The following GDAP1 variants were observed in gnomAD, a reference collection of about 807,000 sequenced individuals.
The protein encoded by GDAP1 is ganglioside-induced differentiation-associated protein 1.
In GDAP1, 34 loss-of-function variants were observed where a neutral mutation model predicts 40.1. The observed-to-expected ratio is 0.85, with a 90% CI of 0.64 to 1.13. The LOEUF (loss-of-function observed/expected upper bound fraction) is 1.13. Among genes scored for constraint, GDAP1 ranks in the 50% most tolerant of loss-of-function variants. GDAP1 has a pLI of 0.00. For synonymous variants in GDAP1, 170 were observed against 157.4 expected (o/e 1.08, Z -0.60); for missense variants, 374 against 433.7 (o/e 0.86, Z 1.22).
Position 74,402,053 on chromosome 8 carries a change from C to T in GDAP1, c.165+50732C>T, listed in dbSNP as rs1255038673. Among the ~76,000 whole-genome samples, 19 of 150,120 alleles carry T rather than the reference C, an allele frequency of 1.3e-4. 1 individual carries two copies. Among genetic ancestry groups the T allele is most frequent in the Non-Finnish European group, 1.6e-4 (11 of 68,014 alleles). The stretch of plus-strand genomic sequence containing the variant: ...CTGCCCGTTCTCAGATCTCCAGCTG[C>T]GTGCTGGGAGAACCACTGCTCTCTT... On this transcript the variant is annotated intron_variant, in intron 2 of 2. Coordinates refer to the GDAP1 transcript ENST00000523640.
chr8:74,373,430 C>G (rs149824330), intron 2 of GDAP1, among the ~76,000 whole-genome samples: 28,725 of 152,052 alleles, frequency 0.19, 2,984 homozygotes, highest in Admixed American at 0.31. Context: ...TCTTTTATTT[C>G]GTTGAGCACT....
chr8:74,362,804 T>TG, intron 4 of GDAP1, 135 bp from the exon 5 acceptor site: 1 of 397,392 alleles, frequency 2.5e-6, no homozygotes, highest in African/African-American at 2.2e-5. Context: ...TTTTTTTTTT[T>TG]GCTGAGTTTT....
At position 74,364,715 on chromosome 8, in the gene GDAP1, C is replaced by A; in HGVS notation, c.*348C>A. The A allele has an allele frequency of 2.1e-6, 1 of 472,882 alleles. No individual in the cohort carries two copies. The highest frequency in any genetic ancestry group is 4.2e-6 in the Non-Finnish European group (1 of 239,676). 29.3% of individuals were successfully genotyped at this position (472,882 alleles called of 1,614,324 possible). ...AAACCTCACATTTAGTTACTTGTGG[C>A]TACTGCCCACACATACACTTCTGTA... On this transcript the variant is annotated 3_prime_UTR_variant, in exon 6 of 6. Transcript: ENST00000220822.
chr8:74,394,760 T>A (rs1279559692), intron 2 of GDAP1, among the ~76,000 whole-genome samples: 1 of 151,930 alleles, frequency 6.6e-6, no homozygotes, highest in Non-Finnish European at 1.5e-5. Context: ...AGCTGGGGAT[T>A]AGGAATGATA....
chr8:74,400,963 T>C (rs1810321146), intron 2 of GDAP1, among the ~76,000 whole-genome samples: 1 of 149,940 alleles, frequency 6.7e-6, no homozygotes, highest in Non-Finnish European at 1.5e-5. Context: ...TAACCTGACC[T>C]TTCTCTCTTG....
chr8:74,424,849 T>C (rs530150608), intron 2 of GDAP1, among the ~76,000 whole-genome samples: 106 of 152,266 alleles, frequency 7.0e-4, no homozygotes, highest in Middle Eastern at 3.4e-3. Context: ...ATTTCACACA[T>C]CCAAGACTCT....
intron 4 of GDAP1, among the ~76,000 whole-genome samples, chr8:74,362,239 C>T (rs1166811947): frequency 6.6e-6 from 1 of 152,172 alleles, no homozygotes; most frequent in Non-Finnish European, 1.5e-5. Flanking sequence ...AAGTTCATAA[C>T]ATATTCTAGA....
intron 2 of GDAP1, among the ~76,000 whole-genome samples, chr8:74,433,944 A>G (rs991652123): frequency 6.6e-6 from 1 of 152,230 alleles, no homozygotes; most frequent in African/African-American, 2.4e-5. Context: ...CTGTGGCTCC[A>G]TGGGGAAGGA....
chr8:74,362,828 G>A (rs749869675), intron 4 of GDAP1, 111 bp from the exon 5 acceptor site: 78 of 204,442 alleles, frequency 3.8e-4, no homozygotes, highest in Non-Finnish European at 6.4e-4. Flanking sequence ...ATTTCTTCTC[G>A]TTGTCTAAAA....
At chr8:74,482,532 T>C (rs1428180476) in intron 2 of GDAP1, among the ~76,000 whole-genome samples, 1 of 151,996 alleles carries the variant, frequency 6.6e-6, no homozygotes, top group Non-Finnish European at 1.5e-5. Flanking sequence ...GGTTAAAAAA[T>C]GAAAAAAAAT....
At chr8:74,482,155 A>G (rs940249792) in intron 2 of GDAP1, among the ~76,000 whole-genome samples, 65 of 150,148 alleles carry the variant, frequency 4.3e-4, no homozygotes, top group Admixed American at 4.3e-3. Context: ...AGGATCAAGT[A>G]GCTTAATTTG....
At chr8:74,467,511 G>A (rs945472854) in intron 2 of GDAP1, among the ~76,000 whole-genome samples, 1 of 152,164 alleles carries the variant, frequency 6.6e-6, no homozygotes, top group Non-Finnish European at 1.5e-5. Flanking sequence ...AAGTGGGTAA[G>A]TTCAGTGAAG....
intron 2 of GDAP1, among the ~76,000 whole-genome samples, chr8:74,437,239 T>C (rs1166165128): frequency 6.6e-6 from 1 of 152,224 alleles, no homozygotes; most frequent in East Asian, 1.9e-4. Flanking sequence ...TCTGAGATCT[T>C]AGAGATTACC....
Position 74,364,401 on chromosome 8 carries a change from A to G in GDAP1, c.*34A>G, listed in dbSNP as rs1809525017. 1 of 1,603,704 alleles carries G rather than the reference A, an allele frequency of 6.2e-7. No individual in the cohort carries two copies. Among genetic ancestry groups the G allele is most frequent in the Non-Finnish European group, 8.5e-7 (1 of 1,176,448 alleles). On this transcript the variant is annotated 3_prime_UTR_variant, in exon 6 of 6. Transcript: ENST00000220822. ...GGATCTTGTCGTGGCAGCTCATCCA[A>G]GCATTTAGCTAGACCCTGTGATTGC...
chr8:74,383,081 C>G (rs938227115), intron 2 of GDAP1, among the ~76,000 whole-genome samples: 1 of 152,140 alleles, frequency 6.6e-6, no homozygotes, highest in Non-Finnish European at 1.5e-5. Flanking sequence ...AAGTCTGGGT[C>G]TTTTCAAGGT....
Position 74,363,133 on chromosome 8 carries a change from G to A in GDAP1, c.694+80G>A, listed in dbSNP as rs559771647. The A allele has an allele frequency of 4.3e-4, 331 of 764,522 alleles. 5 individuals are homozygous for A. The South Asian group carries it at 4.5e-3, about 10-fold the overall frequency. The allele number at this position is 764,522 out of a possible 1,614,324, so 47.4% of individuals were successfully genotyped here. On this transcript the variant is annotated intron_variant, in intron 5 of 5. Coordinates refer to ENST00000220822, the MANE Select transcript of GDAP1 (RefSeq NM_018972.4). ...AACATTCTTAGGTCTCACCAAAAAC[G>A]TTCTGTAATCTGCTTTTCATTGTTG...
intron 2 of GDAP1, among the ~76,000 whole-genome samples, chr8:74,479,066 C>G (rs947601385): frequency 6.6e-6 from 1 of 152,196 alleles, no homozygotes; most frequent in African/African-American, 2.4e-5. Context: ...GGAAGATACT[C>G]CTCCTGATTG....
At chr8:74,422,285 TTTTCTTTCTTTCTTTC>T (rs556852017) in intron 2 of GDAP1, among the ~76,000 whole-genome samples, 1,859 of 87,630 alleles carry the variant, frequency 0.021, 38 homozygotes, top group Non-Finnish European at 0.033. Flanking sequence ...TTCTTTTTTC[TTTTCTTTCTTTCTTTC>T]TTTCTTTCTT....
chr8:74,377,933 T>G (rs990366309), intron 2 of GDAP1, among the ~76,000 whole-genome samples: 2 of 151,700 alleles, frequency 1.3e-5, no homozygotes, highest in Non-Finnish European at 2.9e-5. Context: ...GGAATACAAT[T>G]CATAGATAAA....
Sources: allele counts gnomAD v4.1 joint callset (sites outside exome capture counted in the v4.1 genomes callset), GRCh38; gene constraint gnomAD v4.1.1; transcripts MANE v1.5; gene names NCBI Gene and HGNC (gene_info 2026-07-23, HGNC 2026-07-21).